Variants in PDE4B observed in about 807,000 individuals in gnomAD.
The protein encoded by PDE4B is 3',5'-cyclic-AMP phosphodiesterase 4B.
A neutral mutation model predicts 82.2 loss-of-function variants in PDE4B; 20 were observed. That is an observed-to-expected ratio of 0.24 (90% CI 0.17 to 0.35). PDE4B has a LOEUF of 0.35. PDE4B is among the 10% of genes least tolerant of loss of function. The pLI is 1.00. For missense variants in PDE4B, 655 were observed against 907.2 expected (o/e 0.72, Z 3.57); for synonymous variants, 320 against 318.9 (o/e 1.00, Z -0.04).
At chr1:65,927,352 G>A (rs1278727747) in intron 3 of PDE4B, among the ~76,000 whole-genome samples, 1 of 150,194 alleles carries the variant, frequency 6.7e-6, no homozygotes, top group Non-Finnish European at 1.5e-5. Context: ...GAGCAAATGG[G>A]AATATTCTGT....
chr1:66,272,893 C>T (rs566380331), intron 7 of PDE4B, among the ~76,000 whole-genome samples: 72 of 142,364 alleles, frequency 5.1e-4, no homozygotes, highest in Non-Finnish European at 8.3e-4. Context: ...CGGGTTCAAG[C>T]GATTTTCCTG....
intron 4 of PDE4B, among the ~76,000 whole-genome samples, chr1:66,256,035 C>T (rs1485435096): frequency 2.6e-5 from 4 of 152,004 alleles, no homozygotes; most frequent in East Asian, 1.9e-4. Context: ...AAAATAGCTG[C>T]GTGTGGTGTT....
chr1:65,968,095 A>C (rs1442698624), intron 3 of PDE4B, among the ~76,000 whole-genome samples: 2 of 152,120 alleles, frequency 1.3e-5, no homozygotes, highest in Non-Finnish European at 2.9e-5. Flanking sequence ...TGTGTTGCTA[A>C]TACATAGAAT....
intron 3 of PDE4B, among the ~76,000 whole-genome samples, chr1:66,226,593 G>C (rs1051621426): frequency 2.6e-5 from 4 of 152,178 alleles, no homozygotes; most frequent in Non-Finnish European, 5.9e-5. Context: ...CAAGGTCAAA[G>C]AGCCTGTGGC....
In PDE4B at chr1:66,104,314, A is replaced by T. The variant is rs555990109; in HGVS notation, c.282-143146A>T. ...TAGTATTCCATGGTGTATATGTGCC[A>T]CATTTTCTTAATCCAGTCTATCATT... On this transcript the variant is annotated intron_variant, in intron 3 of 16. Transcript: ENST00000341517. Among the ~76,000 whole-genome samples, 9 of 151,252 alleles carry T rather than the reference A, an allele frequency of 6.0e-5. No individual in the cohort carries two copies. The East Asian group carries it at 1.6e-3, about 26-fold the overall frequency.
chr1:66,329,068 C>G (rs1659929543), intron 7 of PDE4B, among the ~76,000 whole-genome samples: 1 of 152,174 alleles, frequency 6.6e-6, no homozygotes, highest in African/African-American at 2.4e-5. Context: ...CACAGCTTGT[C>G]AGTCTGGCGG....
chr1:66,338,297 A>T (rs78780738), intron 8 of PDE4B, among the ~76,000 whole-genome samples: 5,918 of 152,290 alleles, frequency 0.039, 405 homozygotes, highest in African/African-American at 0.13. Flanking sequence ...GAAAGAAAAA[A>T]GTTTAGAGTT....
chr1:65,925,885 C>T (rs1647471252), intron 3 of PDE4B, among the ~76,000 whole-genome samples: 1 of 152,168 alleles, frequency 6.6e-6, no homozygotes, highest in Non-Finnish European at 1.5e-5. Flanking sequence ...TTAAGGTCCA[C>T]TGCCTATGAC....
intron 3 of PDE4B, among the ~76,000 whole-genome samples, chr1:66,194,435 CATT>C (rs1182630724): frequency 6.6e-6 from 1 of 151,974 alleles, no homozygotes; most frequent in Non-Finnish European, 1.5e-5. Flanking sequence ...AAACAGAAAA[CATT>C]GTATTGACAG....
At chr1:65,928,925 A>G (rs550131768) in intron 3 of PDE4B, among the ~76,000 whole-genome samples, 1 of 152,338 alleles carries the variant, frequency 6.6e-6, no homozygotes, top group South Asian at 2.1e-4. Context: ...TAGTGGGCCC[A>G]AATTAATAAA....
chr1:65,822,499 G>C (rs758090300), intron 1 of PDE4B, among the ~76,000 whole-genome samples: 7 of 151,978 alleles, frequency 4.6e-5, no homozygotes, highest in Non-Finnish European at 8.8e-5. Flanking sequence ...GTCTTTACTT[G>C]TTACTGCCTG....
chr1:66,287,571 A>G (rs1215508994), intron 7 of PDE4B, among the ~76,000 whole-genome samples: 2 of 152,206 alleles, frequency 1.3e-5, no homozygotes, highest in African/African-American at 4.8e-5. Context: ...GGAAGACTCC[A>G]GACTTTCCTT....
intron 7 of PDE4B, among the ~76,000 whole-genome samples, chr1:66,316,573 G>A (rs1659043353): frequency 6.6e-6 from 1 of 152,184 alleles, no homozygotes; most frequent in Non-Finnish European, 1.5e-5. Context: ...TGTGTTCAGG[G>A]GGAGATTGAT....
intron 1 of PDE4B, among the ~76,000 whole-genome samples, chr1:65,858,513 A>G (rs753533238): frequency 3.3e-5 from 5 of 152,240 alleles, no homozygotes; most frequent in Non-Finnish European, 5.9e-5. Flanking sequence ...ACAAGTTTAC[A>G]TCTACTTGGA....
intron 3 of PDE4B, among the ~76,000 whole-genome samples, chr1:66,090,833 G>A (rs1338819504): frequency 6.6e-6 from 1 of 151,422 alleles, no homozygotes; most frequent in Admixed American, 6.6e-5. Context: ...TTGAGAAAGA[G>A]GCAAGGACTT....
At chr1:66,001,388 T>C (rs1229270556) in intron 3 of PDE4B, among the ~76,000 whole-genome samples, 1 of 152,230 alleles carries the variant, frequency 6.6e-6, no homozygotes, top group Non-Finnish European at 1.5e-5. Flanking sequence ...GCAATAGTTT[T>C]GGGATCAAAA....
At chr1:66,131,860 C>G (rs1360808171) in intron 3 of PDE4B, among the ~76,000 whole-genome samples, 1 of 151,784 alleles carries the variant, frequency 6.6e-6, no homozygotes, top group Non-Finnish European at 1.5e-5. Flanking sequence ...GAAACAAGGC[C>G]TCTCTGTCAG....
chr1:65,999,996 T>C (rs1651774469), intron 3 of PDE4B, among the ~76,000 whole-genome samples: 1 of 152,236 alleles, frequency 6.6e-6, no homozygotes, highest in Non-Finnish European at 1.5e-5. Context: ...TTGTATTCTA[T>C]GATATTGCAG....
rs535280320 is a variant in PDE4B at position 66,174,937 on chromosome 1, A to G, written c.282-72523A>G. Among the ~76,000 whole-genome samples the G allele has an allele frequency of 2.2e-4, 34 of 152,310 alleles. No homozygotes were observed. The South Asian group carries it at 6.9e-3, about 31-fold the overall frequency. Reference sequence around the variant, plus strand: ...GAAGGGGAAGCAAGGCGCGTCTTACATGATGGCAGGAGAGAGAGAGGGAGG... The same window carrying G: ...GAAGGGGAAGCAAGGCGCGTCTTACGTGATGGCAGGAGAGAGAGAGGGAGG... On this transcript the variant is annotated intron_variant, in intron 3 of 16. Coordinates refer to ENST00000341517, the MANE Select transcript of PDE4B (RefSeq NM_002600.4).
Sources: gnomAD v4.1 joint callset for allele counts (sites outside exome capture counted in the v4.1 genomes callset) on GRCh38, gnomAD v4.1.1 for gene constraint, MANE v1.5 for transcripts, NCBI Gene and HGNC (gene_info 2026-07-23, HGNC 2026-07-21) for gene names.